ZNG1B: variants seen among roughly 807,000 people sequenced by gnomAD.
ZNG1B encodes Zn regulated GTPase metalloprotein activator 1B, also known as zinc-regulated GTPase metalloprotein activator 1B.
the ZNG1B span, among the ~76,000 whole-genome samples, chr2:113,474,697 C>G: frequency 3.5e-5 from 5 of 144,486 alleles, no homozygotes; most frequent in African/African-American, 1.3e-4. Flanking sequence ...TGTCTTTGTT[C>G]TCGTTGGTTT....
chr2:113,495,229 C>A, the ZNG1B span: 4 of 1,511,626 alleles, frequency 2.6e-6, 1 homozygote, highest in Non-Finnish European at 2.7e-6. Context: ...ACTGAGAGAA[C>A]AAATCGATTG....
At chr2:113,474,596 G>A in the ZNG1B span, among the ~76,000 whole-genome samples, 1 of 140,934 alleles carries the variant, frequency 7.1e-6, no homozygotes, top group African/African-American at 2.7e-5. Flanking sequence ...GTCAATTTTG[G>A]ATCTTTCCTG....
the ZNG1B span, among the ~76,000 whole-genome samples, chr2:113,443,427 T>A: frequency 6.6e-6 from 1 of 151,842 alleles, no homozygotes; most frequent in Non-Finnish European, 1.5e-5. Flanking sequence ...TAAAACATAC[T>A]AGTCTATTTA....
the ZNG1B span, chr2:113,447,877 T>G: frequency 2.2e-6 from 1 of 454,074 alleles, no homozygotes; most frequent in African/African-American, 2.0e-5. Flanking sequence ...CTCTTACTGT[T>G]TCCACCACAT....
At chr2:113,474,108 A>T in the ZNG1B span, among the ~76,000 whole-genome samples, 72 of 151,916 alleles carry the variant, frequency 4.7e-4, 1 homozygote, top group African/African-American at 1.7e-3. Context: ...CTGTGAATCT[A>T]TCTGGTCCTG....
the ZNG1B span, among the ~76,000 whole-genome samples, chr2:113,442,776 T>C: frequency 2.0e-4 from 31 of 152,216 alleles, no homozygotes; most frequent in African/African-American, 7.2e-4. Flanking sequence ...AATACGTAAG[T>C]GTAAAACTAC....
the ZNG1B span, among the ~76,000 whole-genome samples, chr2:113,481,085 A>AT: frequency 2.0e-3 from 247 of 124,798 alleles, 1 homozygote; most frequent in African/African-American, 4.5e-3. Context: ...TCGTTGTTAG[A>AT]TTTTTTTTTT....
At chr2:113,465,971 A>G in the ZNG1B span, 1 of 984,976 alleles carries the variant, frequency 1.0e-6, no homozygotes, top group Non-Finnish European at 1.2e-6. Context: ...TTAGGCAGTA[A>G]CAGCAGCAGC....
the ZNG1B span, among the ~76,000 whole-genome samples, chr2:113,441,037 T>C: frequency 6.6e-6 from 1 of 150,970 alleles, no homozygotes; most frequent in Non-Finnish European, 1.5e-5. Flanking sequence ...AAGTTGCGTC[T>C]TGTTAATGTT....
the ZNG1B span, among the ~76,000 whole-genome samples, chr2:113,488,193 C>G: frequency 1.3e-5 from 2 of 152,188 alleles, no homozygotes; most frequent in African/African-American, 4.8e-5. Flanking sequence ...TCTCCCGACT[C>G]TGTGCAGACT....
the ZNG1B span, chr2:113,481,524 T>C: frequency 3.9e-5 from 6 of 151,922 alleles, no homozygotes; most frequent in East Asian, 1.2e-3. Context: ...CCTTTCCCCC[T>C]CCCGTCCTGT....
At chr2:113,463,439 T>C in the ZNG1B span, among the ~76,000 whole-genome samples, 1 of 152,210 alleles carries the variant, frequency 6.6e-6, no homozygotes, top group African/African-American at 2.4e-5. Flanking sequence ...ATTGAATCAA[T>C]AAAGCTAAGG....
At chr2:113,469,927 T>C in the ZNG1B span, 1 of 151,310 alleles carries the variant, frequency 6.6e-6, no homozygotes, top group African/African-American at 2.4e-5. Context: ...TATACATTTG[T>C]CATTTTCTTT....
At chr2:113,475,407 G>A in the ZNG1B span, among the ~76,000 whole-genome samples, 1 of 151,342 alleles carries the variant, frequency 6.6e-6, no homozygotes, top group Admixed American at 6.6e-5. Context: ...TGGGTTTCCT[G>A]AATACAGCAC....
chr2:113,449,386 A>G, the ZNG1B span, among the ~76,000 whole-genome samples: 1 of 137,162 alleles, frequency 7.3e-6, no homozygotes, highest in African/African-American at 2.9e-5. Flanking sequence ...CTCACCAAGC[A>G]TAATCATTTC....
chr2:113,438,927 TTTTTTAAAAAAC>T, the ZNG1B span: 2 of 1,535,358 alleles, frequency 1.3e-6, no homozygotes, highest in Admixed American at 2.0e-5. Context: ...ACTGCTTTTG[TTTTTTAAAAAAC>T]TTTGTAGACT....
the ZNG1B span, among the ~76,000 whole-genome samples, chr2:113,476,451 C>T: frequency 2.0e-5 from 3 of 150,136 alleles, no homozygotes; most frequent in South Asian, 4.2e-4. Flanking sequence ...TCCCATAGCT[C>T]GGAGTAGTTT....
At chr2:113,437,940 C>T in the ZNG1B span, 1 of 1,611,912 alleles carries the variant, frequency 6.2e-7, no homozygotes, top group Non-Finnish European at 8.5e-7. Context: ...AATTGGTTCC[C>T]ATGGAGACGA....
chr2:113,486,485 GGCTTAT>G, the ZNG1B span, among the ~76,000 whole-genome samples: 1 of 148,458 alleles, frequency 6.7e-6, no homozygotes, highest in African/African-American at 2.5e-5. Flanking sequence ...TGGGTGTGGT[GGCTTAT>G]GCTTGTAATC....
Sources: allele counts gnomAD v4.1 joint callset (sites outside exome capture counted in the v4.1 genomes callset), GRCh38; gene constraint gnomAD v4.1.1; transcripts MANE v1.5; gene names NCBI Gene and HGNC (gene_info 2026-07-23, HGNC 2026-07-21).